TENM3: variants seen among roughly 807,000 people sequenced by gnomAD.
TENM3 encodes the protein teneurin transmembrane protein 3.
Under a neutral mutation model 255.1 loss-of-function variants are expected in TENM3, and 63 were observed. The ratio of observed to expected loss-of-function variants is 0.25; its 90% CI spans 0.20 to 0.30. The LOEUF (loss-of-function observed/expected upper bound fraction) is 0.30, where lower values mean the gene tolerates loss of function less well. Ranked by LOEUF, TENM3 falls within the 10% of genes least tolerant of loss-of-function variation. TENM3 has a pLI of 1.00. For synonymous variants in TENM3, 1,306 were observed against 1,322.3 expected, an observed-to-expected ratio of 0.99 and a Z score of 0.27; for missense variants, 2,929 against 3,461.1, an observed-to-expected ratio of 0.85 and a Z score of 3.86.
chr4:181,893,407 T>TA, the TENM3 span, among the ~76,000 whole-genome samples: 1 of 151,748 alleles, frequency 6.6e-6, no homozygotes, highest in Non-Finnish European at 1.5e-5. Context: ...AACATTATGA[T>TA]AATATAGCTA....
the TENM3 span, among the ~76,000 whole-genome samples, chr4:181,776,803 T>G: frequency 2.0e-5 from 3 of 151,996 alleles, no homozygotes; most frequent in Admixed American, 6.6e-5. Flanking sequence ...TGCTGTTGAG[T>G]TTTTTTGTGC....
At chr4:181,951,701 T>C in the TENM3 span, among the ~76,000 whole-genome samples, 2 of 152,224 alleles carry the variant, frequency 1.3e-5, no homozygotes. Context: ...TAAGTGCATT[T>C]GTTCACTGTG....
At chr4:182,638,285 ATC>A (rs1467986235) in intron 5 of TENM3, among the ~76,000 whole-genome samples, 5 of 152,230 alleles carry the variant, frequency 3.3e-5, no homozygotes, top group African/African-American at 1.2e-4. Flanking sequence ...AGGAAAAGAT[ATC>A]TCTGACTTCT....
intron 19 of TENM3, among the ~76,000 whole-genome samples, chr4:182,748,309 G>C (rs1282643619): frequency 3.9e-5 from 6 of 152,146 alleles, no homozygotes; most frequent in African/African-American, 1.2e-4. Context: ...ATGCTGCTGT[G>C]CTTCCGCTCA....
chr4:181,803,445 G>A, the TENM3 span, among the ~76,000 whole-genome samples: 2 of 152,148 alleles, frequency 1.3e-5, no homozygotes, highest in Non-Finnish European at 2.9e-5. Context: ...AATCTGAAAT[G>A]GCCTTGAAAT....
chr4:182,205,136 A>C (rs1348162372), intron 1 of TENM3, among the ~76,000 whole-genome samples: 2 of 152,232 alleles, frequency 1.3e-5, no homozygotes, highest in East Asian at 3.8e-4. Context: ...CTCCTTCGGC[A>C]TCTGACTTTG....
At chr4:181,801,304 A>G in the TENM3 span, among the ~76,000 whole-genome samples, 1 of 152,162 alleles carries the variant, frequency 6.6e-6, no homozygotes, top group Non-Finnish European at 1.5e-5. Context: ...GAACAGTGAC[A>G]GGTTCTGCAA....
chr4:182,691,714 CAA>C (rs1757020757), intron 12 of TENM3, among the ~76,000 whole-genome samples: 1 of 152,104 alleles, frequency 6.6e-6, no homozygotes, highest in African/African-American at 2.4e-5. Context: ...GAAAATGAAA[CAA>C]GGAGAAATCT....
chr4:181,541,934 A>T, the TENM3 span, among the ~76,000 whole-genome samples: 1 of 152,194 alleles, frequency 6.6e-6, no homozygotes, highest in African/African-American at 2.4e-5. Context: ...CAGAAATTGG[A>T]AGTTGTGTCA....
chr4:181,516,430 G>T, the TENM3 span, among the ~76,000 whole-genome samples: 1 of 151,042 alleles, frequency 6.6e-6, no homozygotes, highest in South Asian at 2.1e-4. Context: ...ATCACATTCT[G>T]TGAGGGAATG....
At chr4:182,683,025 A>C (rs537647447) in intron 11 of TENM3, among the ~76,000 whole-genome samples, 1 of 152,170 alleles carries the variant, frequency 6.6e-6, no homozygotes, top group Non-Finnish European at 1.5e-5. Context: ...ACATTTCTTT[A>C]TTTAATGATG....
chr4:182,225,704 G>A (rs1484166589), intron 1 of TENM3, among the ~76,000 whole-genome samples: 1 of 152,190 alleles, frequency 6.6e-6, no homozygotes, highest in Non-Finnish European at 1.5e-5. Flanking sequence ...CACGGGAGAT[G>A]TCTCCAAAAT....
At chr4:182,034,783 T>G in the TENM3 span, among the ~76,000 whole-genome samples, 2 of 152,194 alleles carry the variant, frequency 1.3e-5, 1 homozygote, top group African/African-American at 4.8e-5. Context: ...CCTTTGTAGG[T>G]GACCTGGACT....
At chr4:182,159,448 G>C (rs1408357085) in intron 1 of TENM3, among the ~76,000 whole-genome samples, 1 of 256 alleles carries the variant, frequency 3.9e-3, no homozygotes, top group African/African-American at 7.6e-3. Flanking sequence ...GTGTGTATGA[G>C]TGTGTGTGTG....
chr4:181,874,781 A>T, the TENM3 span, among the ~76,000 whole-genome samples: 1 of 152,112 alleles, frequency 6.6e-6, no homozygotes, highest in Non-Finnish European at 1.5e-5. Flanking sequence ...CCGGTGGCTG[A>T]TCTCCGCCTC....
chr4:182,307,567 T>G (rs981324386), intron 1 of TENM3, among the ~76,000 whole-genome samples: 1 of 152,178 alleles, frequency 6.6e-6, no homozygotes, highest in Non-Finnish European at 1.5e-5. Flanking sequence ...CCTCCTGACA[T>G]AGGGATTATA....
At chr4:181,839,345 GTATATATATATATATATATATATATA>G in the TENM3 span, among the ~76,000 whole-genome samples, 3 of 56,684 alleles carry the variant, frequency 5.3e-5, no homozygotes, top group African/African-American at 7.0e-5. Context: ...TGTATTGAGG[GTATATATATATATATATATATATATA>G]TATATATATA....
the TENM3 span, among the ~76,000 whole-genome samples, chr4:181,470,845 T>C: frequency 3.3e-5 from 5 of 152,152 alleles, no homozygotes; most frequent in African/African-American, 1.2e-4. Flanking sequence ...CGACACATTG[T>C]AAGGTGAAAA....
chr4:181,648,072 G>A, the TENM3 span, among the ~76,000 whole-genome samples: 3 of 152,128 alleles, frequency 2.0e-5, no homozygotes, highest in Non-Finnish European at 1.5e-5. Flanking sequence ...CTGTAGTCCC[G>A]TGTTGCACAT....
Sources: gnomAD v4.1 joint callset for allele counts (sites outside exome capture counted in the v4.1 genomes callset) on GRCh38, gnomAD v4.1.1 for gene constraint, MANE v1.5 for transcripts, NCBI Gene and HGNC (gene_info 2026-07-23, HGNC 2026-07-21) for gene names.